FABP6: variants seen among roughly 807,000 people sequenced by gnomAD.
The protein encoded by FABP6 is gastrotropin.
Under a neutral mutation model 14.9 loss-of-function variants are expected in FABP6, and 13 were observed. The ratio of observed to expected loss-of-function variants is 0.87; its 90% CI spans 0.57 to 1.39. The LOEUF is 1.39. FABP6 is among the 40% of genes most tolerant of loss of function. The pLI is 0.00. For missense variants in FABP6, 161 were observed against 167.2 expected, an observed-to-expected ratio of 0.96 and a Z score of 0.20; for synonymous variants, 75 against 63.6, an observed-to-expected ratio of 1.18 and a Z score of -0.85.
chr5:160,223,936 CAA>C (rs533709503), intron 3 of FABP6, among the ~76,000 whole-genome samples: 82,008 of 134,296 alleles, frequency 0.61, 23,900 homozygotes, highest in Non-Finnish European at 0.64. Context: ...CCCATCTCTA[CAA>C]AAAAAAAAAA....
chr5:160,193,199 G>A (rs868011215), intron 1 of FABP6, among the ~76,000 whole-genome samples: 3 of 152,042 alleles, frequency 2.0e-5, no homozygotes, highest in Non-Finnish European at 4.4e-5. Flanking sequence ...TGGTGGGTTC[G>A]TGGTCTCGCT....
intron 2 of FABP6, among the ~76,000 whole-genome samples, chr5:160,208,589 ATAAAT>A (rs1240300359): frequency 1.3e-5 from 2 of 152,174 alleles, no homozygotes; most frequent in Non-Finnish European, 2.9e-5. Context: ...TAATCCACTA[ATAAAT>A]TAAAGGATTA....
At chr5:160,207,854 G>T (rs1165678215) in intron 2 of FABP6, among the ~76,000 whole-genome samples, 1 of 151,718 alleles carries the variant, frequency 6.6e-6, no homozygotes, top group African/African-American at 2.4e-5. Context: ...CTCCCCAGTA[G>T]CTGGGATTAC....
At chr5:160,216,506 G>A (rs1311006396) in intron 3 of FABP6, among the ~76,000 whole-genome samples, 1 of 151,990 alleles carries the variant, frequency 6.6e-6, no homozygotes, top group Non-Finnish European at 1.5e-5. Context: ...GACCTCGGAT[G>A]ATCCACCCAC....
At chr5:160,213,823 T>A in intron 3 of FABP6, 1 of 1,612,806 alleles carries the variant, frequency 6.2e-7, no homozygotes, top group South Asian at 1.1e-5. Flanking sequence ...AGGAAAGGTA[T>A]GGGGTAGAAG....
chr5:160,223,122 C>A (rs1056972708), intron 3 of FABP6, among the ~76,000 whole-genome samples: 7 of 152,140 alleles, frequency 4.6e-5, no homozygotes, highest in African/African-American at 1.7e-4. Context: ...GTTTTTCACA[C>A]ATCAAATGTT....
At chr5:160,228,511 G>A (rs564640567), upstream of FABP6, 456 of 456,300 alleles carry the variant, frequency 1.0e-3, 1 homozygote, top group Non-Finnish European at 1.3e-3. Context: ...GAGTGATCAC[G>A]GAGGAGATAG....
chr5:160,225,399 C>CTTT (rs1284538826), upstream of FABP6, among the ~76,000 whole-genome samples: 32 of 123,490 alleles, frequency 2.6e-4, no homozygotes, highest in African/African-American at 8.7e-4. Context: ...CCAGCCCCAC[C>CTTT]TTTTTTTTTT....
intron 2 of FABP6, among the ~76,000 whole-genome samples, chr5:160,213,105 C>T (rs1007749448): frequency 2.0e-5 from 3 of 152,208 alleles, no homozygotes; most frequent in Admixed American, 1.3e-4. Flanking sequence ...TTGGCCCTCA[C>T]GGTCGAGATG....
chr5:160,199,240 G>C, intron 2 of FABP6: 1 of 1,411,846 alleles, frequency 7.1e-7, no homozygotes, highest in African/African-American at 1.4e-5. Context: ...ACCTTGGGTG[G>C]GGGACTTGCT....
At chr5:160,225,155 G>A (rs576845277), upstream of FABP6, among the ~76,000 whole-genome samples, 10 of 151,674 alleles carry the variant, frequency 6.6e-5, no homozygotes, top group Admixed American at 4.6e-4. Context: ...AGAGTGTGGT[G>A]GTGTGATGTC....
chr5:160,224,810 C>T (rs367560437), upstream of FABP6, among the ~76,000 whole-genome samples: 1,100 of 146,320 alleles, frequency 7.5e-3, 9 homozygotes, highest in African/African-American at 0.026. Flanking sequence ...GACAGTCTTA[C>T]TCTGTCCCCC....
chr5:160,191,530 C>T (rs1284840838), intron 1 of FABP6, among the ~76,000 whole-genome samples: 3 of 152,146 alleles, frequency 2.0e-5, no homozygotes, highest in Non-Finnish European at 4.4e-5. Context: ...CTGCCCATCT[C>T]TCTACTGTGT....
At chr5:160,224,461 T>C (rs1257801499) in intron 3 of FABP6, among the ~76,000 whole-genome samples, 2 of 152,096 alleles carry the variant, frequency 1.3e-5, no homozygotes, top group South Asian at 2.1e-4. Context: ...AAGCTGAAAA[T>C]GTCTTCTAGG....
intron 1 of FABP6, among the ~76,000 whole-genome samples, chr5:160,231,776 T>C (rs898169695): frequency 3.3e-5 from 5 of 152,188 alleles, no homozygotes; most frequent in African/African-American, 1.2e-4. Flanking sequence ...AGCTTGGTTA[T>C]TATTGATGAG....
At chr5:160,235,724 T>C (rs1000539416) in intron 3 of FABP6, among the ~76,000 whole-genome samples, 6 of 152,186 alleles carry the variant, frequency 3.9e-5, no homozygotes, top group African/African-American at 1.4e-4. Context: ...GAAGACATGA[T>C]GAGGGAGGCA....
At chr5:160,237,340 GCA>G (rs1760539720) in intron 3 of FABP6, among the ~76,000 whole-genome samples, 1 of 151,992 alleles carries the variant, frequency 6.6e-6, no homozygotes, top group Middle Eastern at 3.4e-3. Context: ...GGGTCATCAT[GCA>G]CACACACACA....
chr5:160,213,765 A>G (rs754306558), exon 3 of FABP6: 47 of 1,613,766 alleles, frequency 2.9e-5, no homozygotes, highest in Non-Finnish European at 3.6e-5. Context: ...CTGCGTGCAC[A>G]TGGGTGAGCC....
rs1561755067 is a variant in FABP6, at chr5:160,229,591, GAGA to G, written c.39_41del (p.Lys13del). On this transcript the variant is annotated inframe_deletion, in exon 1 of 4. Coordinates refer to ENST00000402432, the MANE Select transcript of FABP6 (RefSeq NM_001445.3). ...CACCGGCAAGTTCGAGATGGAGAGT[GAGA>G]AGAATTATGATGAGTTCATGAAGCT... The G allele has an allele frequency of 6.2e-7, 1 of 1,614,042 alleles. No homozygotes were observed. Among genetic ancestry groups the G allele is most frequent in the South Asian group, 1.1e-5 (1 of 91,064 alleles).
Sources: gnomAD v4.1 joint callset for allele counts (sites outside exome capture counted in the v4.1 genomes callset) on GRCh38, gnomAD v4.1.1 for gene constraint, MANE v1.5 for transcripts, NCBI Gene and HGNC (gene_info 2026-07-23, HGNC 2026-07-21) for gene names.